Variants in HEPH observed in about 807,000 individuals in gnomAD.
The protein encoded by HEPH is hephaestin.
HEPH carries 69 observed loss-of-function variants against 80.8 expected under a neutral mutation model. That is an observed-to-expected ratio of 0.85 (90% CI 0.70 to 1.04). HEPH has a LOEUF of 1.04. Ranked by LOEUF, HEPH falls within the 50% of genes least tolerant of loss-of-function variation. The pLI is 0.00. For missense variants in HEPH, 1,115 were observed against 891.3 expected (o/e 1.25, Z -3.20); for synonymous variants, 431 against 322.8 (o/e 1.34, Z -3.60).
chrX:66,188,371 G>T lies in HEPH; in HGVS notation c.638G>T (p.Gly213Val). ...LITCKRGALDGNSPPQRQDVD... is the reference protein window; with the variant it reads ...LITCKRGALDVNSPPQRQDVD... The stretch of plus-strand genomic sequence containing the variant: ...TTACTTGCCCTAGGAGCCCTGGATG[G>T]GAACTCCCCTCCTCAACGCCAGGAT... The change falls in exon 5 of 21, where the codon GGG (glycine) becomes GTG (valine). Residue 213 changes from glycine (G) to valine (V), a missense_variant. Around this residue, in one of 3 missense-constraint regions of HEPH, gnomAD observed 391 missense variants for 343.6 expected, o/e 1.14. Coordinates refer to ENST00000343002, the MANE Select transcript of HEPH (RefSeq NM_001367233.3). 8.4e-7 allele frequency: 1 copy of T among 1,188,113 alleles called. No homozygotes were observed. Among genetic ancestry groups the T allele is most frequent in the South Asian group, 1.9e-5 (1 of 53,284 alleles).
At chrX:66,223,871 CTAGT>C (rs2089762808) in intron 15 of HEPH, among the ~76,000 whole-genome samples, 1 of 111,501 alleles carries the variant, frequency 9.0e-6, no homozygotes, top group Admixed American at 9.5e-5. Context: ...TTTAGGAAGC[CTAGT>C]TAGTTTTAAA....
At chrX:66,205,467 A>C (rs915142485) in intron 13 of HEPH, among the ~76,000 whole-genome samples, 2 of 112,282 alleles carry the variant, frequency 1.8e-5, no homozygotes, top group Non-Finnish European at 3.8e-5. Context: ...TTGTTTGTAC[A>C]TACCACATTT....
intron 2 of HEPH, chrX:66,171,185 A>C: frequency 3.2e-6 from 1 of 309,194 alleles, no homozygotes; most frequent in Non-Finnish European, 6.2e-6. Context: ...AATGGTAATA[A>C]TTCTCACTTA....
At chrX:66,191,498 T>C (rs1386586157) in intron 6 of HEPH, among the ~76,000 whole-genome samples, 1 of 112,251 alleles carries the variant, frequency 8.9e-6, no homozygotes, top group Non-Finnish European at 1.9e-5. Flanking sequence ...GAGTGACCTC[T>C]ATAAGTTGCT....
At chrX:66,222,582 G>A (rs745568402) in intron 15 of HEPH, among the ~76,000 whole-genome samples, 1 of 111,993 alleles carries the variant, frequency 8.9e-6, no homozygotes, top group African/African-American at 3.2e-5. Flanking sequence ...AAAACTGGTT[G>A]GGGCAGTCCA....
At chrX:66,236,685 A>G (rs2090373045) in intron 15 of HEPH, among the ~76,000 whole-genome samples, 1 of 111,237 alleles carries the variant, frequency 9.0e-6, no homozygotes, top group Non-Finnish European at 1.9e-5. Context: ...TTTAGTAGGA[A>G]TGGTAGCAGA....
intron 1 of HEPH, chrX:66,170,102 T>A (rs1441443584): frequency 8.9e-6 from 1 of 112,855 alleles, no homozygotes; most frequent in Non-Finnish European, 1.9e-5. Context: ...AAATATTTTT[T>A]AGTAAATTCT....
chrX:66,218,607 G>A (rs1038483886), intron 15 of HEPH, among the ~76,000 whole-genome samples: 10 of 111,763 alleles, frequency 8.9e-5, no homozygotes, highest in African/African-American at 2.9e-4. Context: ...AGAAGTAAGG[G>A]CTTTATTCGA....
chrX:66,222,395 G>A (rs1263281204), intron 15 of HEPH, among the ~76,000 whole-genome samples: 2 of 112,581 alleles, frequency 1.8e-5, no homozygotes, highest in African/African-American at 6.5e-5. Context: ...TGGGCCTCTG[G>A]CTTGCCATGT....
chrX:66,204,718 A>G (rs965571723), intron 13 of HEPH, among the ~76,000 whole-genome samples: 1 of 112,407 alleles, frequency 8.9e-6, no homozygotes, highest in Non-Finnish European at 1.9e-5. Flanking sequence ...TACTGAGAAT[A>G]AAATTTGACT....
chrX:66,193,653 A>G lies in HEPH; in HGVS notation c.1369+15A>G. Reference sequence around the variant, plus strand: ...TGGAATCCTGGGTGAGGAATTTTTAAATTATGAAATTCATTTACTAGAGCC... The same window carrying G: ...TGGAATCCTGGGTGAGGAATTTTTAGATTATGAAATTCATTTACTAGAGCC... On this transcript the variant is annotated intron_variant, in intron 8 of 20. Coordinates refer to ENST00000343002, the MANE Select transcript of HEPH (RefSeq NM_001367233.3). 8.6e-7 allele frequency: 1 copy of G among 1,157,902 alleles called. No individual in the cohort carries two copies. The highest frequency in any genetic ancestry group is 1.2e-6 in the Non-Finnish European group (1 of 859,647).
intron 15 of HEPH, among the ~76,000 whole-genome samples, chrX:66,247,620 C>G (rs766172649): frequency 9.0e-6 from 1 of 111,150 alleles, no homozygotes; most frequent in Non-Finnish European, 1.9e-5. Flanking sequence ...ACTTAAGCAG[C>G]TGTTATAAGT....
chrX:66,194,508 T>C (rs1424613992), intron 8 of HEPH, among the ~76,000 whole-genome samples: 1 of 112,199 alleles, frequency 8.9e-6, no homozygotes, highest in African/African-American at 3.2e-5. Flanking sequence ...GCTTCAAAGA[T>C]GACCTAAGCT....
intron 15 of HEPH, among the ~76,000 whole-genome samples, chrX:66,221,595 A>C (rs1248273620): frequency 8.9e-6 from 1 of 112,753 alleles, no homozygotes; most frequent in African/African-American, 3.2e-5. Context: ...AAGCTAGGCC[A>C]CTGGCCTTGG....
chrX:66,232,976 T>A, intron 15 of HEPH, among the ~76,000 whole-genome samples: 1 of 110,937 alleles, frequency 9.0e-6, no homozygotes, highest in East Asian at 2.8e-4. Context: ...GGACCCTGTA[T>A]ACAAGTATAT....
chrX:66,199,613 A>G (rs1223308503), intron 11 of HEPH, among the ~76,000 whole-genome samples: 4 of 112,190 alleles, frequency 3.6e-5, no homozygotes, highest in Non-Finnish European at 7.5e-5. Context: ...TAGAAAAAAA[A>G]TGATATGCTT....
intron 15 of HEPH, among the ~76,000 whole-genome samples, chrX:66,253,992 G>C (rs964719349): frequency 4.5e-5 from 5 of 110,905 alleles, no homozygotes; most frequent in South Asian, 3.8e-4. Flanking sequence ...TTTTTTTGGT[G>C]GTAATGAAAT....
chrX:66,196,686 C>T (rs2088121010), intron 9 of HEPH, among the ~76,000 whole-genome samples: 1 of 111,891 alleles, frequency 8.9e-6, no homozygotes, highest in African/African-American at 3.2e-5. Flanking sequence ...GACTCCTTTT[C>T]TTACAACCTC....
chrX:66,263,754 G>T, intron 20 of HEPH, 66 bp downstream of exon 20: 1 of 1,041,652 alleles, frequency 9.6e-7, no homozygotes, highest in South Asian at 1.9e-5. Flanking sequence ...GTTGGGTGAA[G>T]TACCTTTAGG....
Sources: gnomAD v4.1 joint callset for allele counts (sites outside exome capture counted in the v4.1 genomes callset) on GRCh38, gnomAD v4.1.1 for gene constraint, gnomAD v4.1.1 regional missense constraint, MANE v1.5 for transcripts, NCBI Gene and HGNC (gene_info 2026-07-23, HGNC 2026-07-21) for gene names.